Variants in TMEM267 observed in about 807,000 individuals in gnomAD.
TMEM267 encodes the protein transmembrane protein C5orf28.
TMEM267 carries 20 observed loss-of-function variants against 19.3 expected under a neutral mutation model. That is an observed-to-expected ratio of 1.04 (90% CI 0.73 to 1.51). The LOEUF (loss-of-function observed/expected upper bound fraction) is 1.51. TMEM267 is among the 40% of genes most tolerant of loss of function. The pLI is 0.00. For missense variants in TMEM267, 242 were observed against 261.9 expected, an observed-to-expected ratio of 0.92 and a Z score of 0.52; for synonymous variants, 88 against 90.3, an observed-to-expected ratio of 0.97 and a Z score of 0.15.
At chr5:43,456,438 T>A (rs914319607) in intron 1 of TMEM267, among the ~76,000 whole-genome samples, 1 of 149,922 alleles carries the variant, frequency 6.7e-6, no homozygotes, top group Non-Finnish European at 1.5e-5. Context: ...GTTGAACTTA[T>A]CAAAATTAAA....
At chr5:43,452,077 CAAAAAAAAA>C (rs375224453) in intron 2 of TMEM267, among the ~76,000 whole-genome samples, 1 of 86,552 alleles carries the variant, frequency 1.2e-5, no homozygotes, top group Admixed American at 1.5e-4. Context: ...GACCCTATCT[CAAAAAAAAA>C]AAAAAAAAAG....
intron 2 of TMEM267, among the ~76,000 whole-genome samples, chr5:43,447,236 C>T (rs1383828630): frequency 6.6e-6 from 1 of 151,806 alleles, no homozygotes. Context: ...ATCATAGGCA[C>T]CTGCCACCAT....
At chr5:43,454,866 CATT>C (rs1350555117) in intron 1 of TMEM267, among the ~76,000 whole-genome samples, 1 of 152,138 alleles carries the variant, frequency 6.6e-6, no homozygotes, top group African/African-American at 2.4e-5. Context: ...AGAATATTGA[CATT>C]ATTTACCTAG....
At chr5:43,448,479 C>G (rs893712691) in intron 2 of TMEM267, among the ~76,000 whole-genome samples, 1 of 151,954 alleles carries the variant, frequency 6.6e-6, no homozygotes, top group Non-Finnish European at 1.5e-5. Flanking sequence ...AAATCAGAAA[C>G]AGAATAAAAA....
intron 1 of TMEM267, among the ~76,000 whole-genome samples, chr5:43,460,135 C>T (rs990486392): frequency 8.5e-5 from 13 of 152,126 alleles, no homozygotes; most frequent in Non-Finnish European, 1.0e-4. Flanking sequence ...GAGAAGCTAA[C>T]GCTGCCACTG....
At chr5:43,476,247 C>G (rs772719468) in intron 1 of TMEM267, 2 of 152,250 alleles carry the variant, frequency 1.3e-5, no homozygotes, top group Non-Finnish European at 2.9e-5. Flanking sequence ...GCAGGTTACT[C>G]AAGCATCAAA....
At chr5:43,459,981 A>T (rs1743163931) in intron 1 of TMEM267, among the ~76,000 whole-genome samples, 1 of 151,976 alleles carries the variant, frequency 6.6e-6, no homozygotes, top group South Asian at 2.1e-4. Flanking sequence ...AATCAGTGGG[A>T]GCCCTTAGCT....
At position 43,448,784 on chromosome 5, in the gene TMEM267, A is replaced by ACC. The variant is rs3030116; in HGVS notation, c.313-2229_313-2228dup. ...AGAGTGAAACTCTGTCTAAAAAACA[A>ACC]CCCCCCCCCACAAAAAAAACTATCT... On this transcript the variant is annotated intron_variant, in intron 2 of 2. Coordinates refer to ENST00000397080, the MANE Select transcript of TMEM267 (RefSeq NM_022483.5). Among the ~76,000 whole-genome samples the ACC allele has an allele frequency of 4.6e-3, 662 of 143,492 alleles. 19 individuals are homozygous for ACC. In the East Asian group the frequency reaches 0.088, roughly 19 times the overall value. The allele number at this position is 143,492 out of a possible 152,430, so 94.1% of individuals were successfully genotyped here. A position where few individuals can be genotyped will look rare whatever the true frequency, so the allele number is the denominator to read the frequency against.
intron 1 of TMEM267, among the ~76,000 whole-genome samples, chr5:43,457,232 C>G (rs958960935): frequency 2.6e-5 from 4 of 152,258 alleles, no homozygotes; most frequent in Admixed American, 2.6e-4. Flanking sequence ...ATATACCACA[C>G]TATTGCAAAT....
chr5:43,447,608 T>C (rs904639146), intron 2 of TMEM267, among the ~76,000 whole-genome samples: 8 of 152,122 alleles, frequency 5.3e-5, no homozygotes, highest in Admixed American at 1.3e-4. Flanking sequence ...AAAAGTATTA[T>C]AAAACATGAA....
In TMEM267 at chr5:43,476,703, C is replaced by T. The variant is rs150267841; in HGVS notation, c.-75+7119G>A. Among the ~76,000 whole-genome samples the T allele has an allele frequency of 5.7e-3, 861 of 151,402 alleles. 10 individuals are homozygous for T. Among genetic ancestry groups the T allele is most frequent in the African/African-American group, 0.019 (796 of 41,260 alleles). ...TAATAAACTTTTGAAAAAAAAGTAG[C>T]ATAATGTGAGTACATAAAGGTGAAT... On this transcript the variant is annotated intron_variant, in intron 1 of 2. Transcript: ENST00000397080.
chr5:43,447,094 TTTC>T (rs774742515), intron 2 of TMEM267, among the ~76,000 whole-genome samples: 11 of 151,664 alleles, frequency 7.3e-5, no homozygotes, highest in Non-Finnish European at 1.5e-4. Flanking sequence ...CTTCAGTAAA[TTTC>T]TTTTTTTTTT....
At chr5:43,467,817 G>T (rs1169586587) in intron 1 of TMEM267, among the ~76,000 whole-genome samples, 1 of 152,092 alleles carries the variant, frequency 6.6e-6, no homozygotes, top group Non-Finnish European at 1.5e-5. Flanking sequence ...TACATATTCT[G>T]ATTGCCTTCT....
chr5:43,448,550 G>C (rs1742386163), intron 2 of TMEM267, among the ~76,000 whole-genome samples: 1 of 152,174 alleles, frequency 6.6e-6, no homozygotes, highest in Admixed American at 6.5e-5. Context: ...GCTGAGGCGG[G>C]CTGATCACCT....
intron 1 of TMEM267, among the ~76,000 whole-genome samples, chr5:43,467,843 A>G (rs1472108959): frequency 6.6e-6 from 1 of 152,174 alleles, no homozygotes. Flanking sequence ...AAGACTTATC[A>G]GAAACTCAAA....
At chr5:43,482,961 C>A (rs1397710062) in intron 1 of TMEM267, among the ~76,000 whole-genome samples, 1 of 152,182 alleles carries the variant, frequency 6.6e-6, no homozygotes, top group Non-Finnish European at 1.5e-5. Flanking sequence ...TTAACTTTCC[C>A]TCTTCCCCAC....
chr5:43,461,451 C>T (rs532579885), intron 1 of TMEM267, among the ~76,000 whole-genome samples: 2 of 152,236 alleles, frequency 1.3e-5, no homozygotes, highest in East Asian at 3.9e-4. Flanking sequence ...GGTATCAGCA[C>T]AGGCATAGGA....
chr5:43,473,041 G>A (rs1744181671), intron 1 of TMEM267, among the ~76,000 whole-genome samples: 1 of 150,162 alleles, frequency 6.7e-6, no homozygotes, highest in Admixed American at 6.7e-5. Context: ...AGGAGGCTGA[G>A]GCAGGAGAAT....
intron 1 of TMEM267, among the ~76,000 whole-genome samples, chr5:43,472,039 C>T (rs963478564): frequency 1.3e-5 from 2 of 152,020 alleles, no homozygotes; most frequent in African/African-American, 4.8e-5. Context: ...GCAAATTACC[C>T]ATCTGACAAA....
Sources: allele counts gnomAD v4.1 joint callset (sites outside exome capture counted in the v4.1 genomes callset), GRCh38; gene constraint gnomAD v4.1.1; transcripts MANE v1.5; gene names NCBI Gene and HGNC (gene_info 2026-07-23, HGNC 2026-07-21).